MORC1: variants seen among roughly 807,000 people sequenced by gnomAD.
MORC1 encodes the protein MORC family CW-type zinc finger protein 1.
In MORC1, 59 loss-of-function variants were observed where a neutral mutation model predicts 134.9. The ratio of observed to expected loss-of-function variants is 0.44; its 90% confidence interval spans 0.35 to 0.54. The LOEUF (loss-of-function observed/expected upper bound fraction) is 0.54. MORC1 is among the 20% of genes least tolerant of loss of function. The pLI is 0.00. For synonymous variants in MORC1, 395 were observed against 391.7 expected (o/e 1.01, Z -0.10); for missense variants, 947 against 1,134.5 (o/e 0.83, Z 2.37).
intron 8 of MORC1, among the ~76,000 whole-genome samples, chr3:109,078,005 A>G (rs1950455222): frequency 6.6e-6 from 1 of 152,130 alleles, no homozygotes. Context: ...TAACAGACAC[A>G]GACGGGCATT....
intron 4 of MORC1, 48 bp downstream of exon 4, chr3:109,103,801 A>C: frequency 6.8e-7 from 1 of 1,481,092 alleles, no homozygotes; most frequent in Non-Finnish European, 9.4e-7. Context: ...GTAGGTTTTC[A>C]GACTGTTTCC....
At chr3:108,988,845 A>G (rs1269042473) in intron 21 of MORC1, among the ~76,000 whole-genome samples, 3 of 152,130 alleles carry the variant, frequency 2.0e-5, no homozygotes, top group Non-Finnish European at 2.9e-5. Flanking sequence ...TTATGTTTGT[A>G]TTCTATTGTT....
rs781439337 is a variant in MORC1, at chr3:109,103,830, A to C, written c.223+19T>G. The C allele has an allele frequency of 1.3e-6, 2 of 1,595,782 alleles. No individual in the cohort carries two copies. The highest frequency in any genetic ancestry group is 2.2e-5 in the South Asian group (2 of 90,646). The stretch of plus-strand genomic sequence containing the variant: ...TGTTTCCTTTAACAGCCAGTTAGGT[A>C]TCTAGATAATTAACTTACCAGGGCT... On this transcript the variant is annotated intron_variant, in intron 4 of 27. Coordinates refer to ENST00000232603, the MANE Select transcript of MORC1 (RefSeq NM_014429.4).
chr3:109,068,121 C>T (rs923514631), intron 9 of MORC1, among the ~76,000 whole-genome samples: 3 of 151,988 alleles, frequency 2.0e-5, no homozygotes, highest in Non-Finnish European at 4.4e-5. Flanking sequence ...ATAGTTCAGG[C>T]AAAAAGGCAC....
intron 2 of MORC1, 42 bp from the exon 3 acceptor site, chr3:109,110,825 A>G (rs762892068): frequency 2.8e-5 from 41 of 1,451,150 alleles, no homozygotes; most frequent in Non-Finnish European, 3.7e-5. Flanking sequence ...ATATGAAATG[A>G]ATTGCTTACA....
intron 8 of MORC1, among the ~76,000 whole-genome samples, chr3:109,071,449 T>C (rs2107711485): frequency 6.6e-6 from 1 of 152,288 alleles, no homozygotes; most frequent in African/African-American, 2.4e-5. Flanking sequence ...ATGTTGGGGA[T>C]CTTCAAGGTC....
chr3:109,080,251 G>A (rs1950497327), intron 8 of MORC1, among the ~76,000 whole-genome samples: 1 of 152,144 alleles, frequency 6.6e-6, no homozygotes, highest in Non-Finnish European at 1.5e-5. Flanking sequence ...AGGCAAGGAG[G>A]AGCAAGTCAC....
chr3:108,972,261 T>C (rs1947403806), intron 24 of MORC1, among the ~76,000 whole-genome samples: 1 of 136,186 alleles, frequency 7.3e-6, no homozygotes, highest in Non-Finnish European at 1.6e-5. Context: ...ATCTAGAAAT[T>C]TACAGCCACC....
At chr3:109,038,606 A>C (rs949602986) in intron 14 of MORC1, among the ~76,000 whole-genome samples, 2 of 152,050 alleles carry the variant, frequency 1.3e-5, no homozygotes, top group African/African-American at 4.8e-5. Flanking sequence ...TCTTGAGTTA[A>C]TTTTTGTAAA....
At chr3:109,117,902 C>T (rs1417770709) in intron 1 of MORC1, 93 bp downstream of exon 1, 2 of 990,614 alleles carry the variant, frequency 2.0e-6, no homozygotes, top group East Asian at 5.3e-5. Context: ...AAATCAAGTT[C>T]ACTTGCTGAG....
At chr3:108,994,583 G>A (rs2593972) in intron 21 of MORC1, among the ~76,000 whole-genome samples, 63,876 of 151,830 alleles carry the variant, frequency 0.42, 14,108 homozygotes, top group Middle Eastern at 0.55. Flanking sequence ...TTTATGAGAA[G>A]GGTATATGTT....
At chr3:109,059,748 A>G in intron 12 of MORC1, 58 bp downstream of exon 12, 1 of 1,486,134 alleles carries the variant, frequency 6.7e-7, no homozygotes, top group South Asian at 1.2e-5. Flanking sequence ...CTTAGAAACC[A>G]GAATTTGTTT....
chr3:109,114,502 A>G, intron 1 of MORC1, 65 bp from the exon 2 acceptor site: 1 of 1,381,578 alleles, frequency 7.2e-7, no homozygotes, highest in Non-Finnish European at 1.0e-6. Flanking sequence ...AAAAGCTTTA[A>G]GATTCTTGCA....
intron 17 of MORC1, among the ~76,000 whole-genome samples, chr3:109,026,802 T>G (rs978250192): frequency 6.6e-5 from 10 of 152,154 alleles, no homozygotes; most frequent in African/African-American, 1.9e-4. Flanking sequence ...GGGGAGTGCT[T>G]AGGAGAATGT....
chr3:109,071,778 G>C (rs1318354323), intron 8 of MORC1, among the ~76,000 whole-genome samples: 1 of 152,172 alleles, frequency 6.6e-6, no homozygotes, highest in Non-Finnish European at 1.5e-5. Context: ...CTTCAGCCCA[G>C]CATGTAGCGA....
intron 24 of MORC1, among the ~76,000 whole-genome samples, chr3:108,973,562 T>G (rs1182253791): frequency 2.6e-5 from 4 of 151,472 alleles, no homozygotes; most frequent in African/African-American, 9.7e-5. Flanking sequence ...TTTCTTGGTG[T>G]TTTTTTGTTC....
chr3:109,101,620 T>G (rs751356833), intron 4 of MORC1: 3 of 152,256 alleles, frequency 2.0e-5, no homozygotes, highest in African/African-American at 7.2e-5. Context: ...CTATGATATG[T>G]TCCTATGAGG....
intron 15 of MORC1, among the ~76,000 whole-genome samples, chr3:109,034,412 A>G (rs1359466648): frequency 6.6e-6 from 1 of 152,240 alleles, no homozygotes; most frequent in Non-Finnish European, 1.5e-5. Context: ...TGTAGTGGCT[A>G]GAAAACATAT....
In MORC1 at chr3:108,958,934, G is replaced by C; in HGVS notation, c.*31C>G. The C allele has an allele frequency of 2.2e-6, 3 of 1,381,070 alleles. No homozygotes were observed. Among genetic ancestry groups the C allele is most frequent in the Non-Finnish European group, 2.9e-6 (3 of 1,046,102 alleles). The allele number at this position is 1,381,070 out of a possible 1,614,324, so 85.6% of individuals were successfully genotyped here. A position where few individuals can be genotyped will look rare whatever the true frequency, so the allele number is the denominator to read the frequency against. ...AAAGAATCTTCCAATTTTCTTATTA[G>C]CATTTTTTAAAAGGTAATACCATCT... is the stretch of plus-strand genomic sequence containing the variant. On this transcript the variant is annotated 3_prime_UTR_variant, in exon 28 of 28. Coordinates refer to ENST00000232603, the MANE Select transcript of MORC1 (RefSeq NM_014429.4).
Sources: gnomAD v4.1 joint callset for allele counts (sites outside exome capture counted in the v4.1 genomes callset) on GRCh38, gnomAD v4.1.1 for gene constraint, MANE v1.5 for transcripts, NCBI Gene and HGNC (gene_info 2026-07-23, HGNC 2026-07-21) for gene names.